The following EFCAB6 variants were observed in gnomAD, a reference collection of about 807,000 sequenced individuals.
EFCAB6 encodes the protein EF-hand calcium-binding domain-containing protein 6.
In EFCAB6, 156 loss-of-function variants were observed where a neutral mutation model predicts 169.8. That is an observed-to-expected ratio of 0.92 (90% CI 0.81 to 1.05). The LOEUF (loss-of-function observed/expected upper bound fraction) is 1.05, where lower values mean the gene tolerates loss of function less well. Among genes scored for constraint, EFCAB6 ranks in the 50% least tolerant of loss-of-function variants. The pLI is 0.00. For synonymous variants in EFCAB6, 698 were observed against 676.4 expected, an observed-to-expected ratio of 1.03 and a Z score of -0.50; for missense variants, 1,800 against 1,829.1, an observed-to-expected ratio of 0.98 and a Z score of 0.29.
chr22:43,550,496 A>C lies in EFCAB6; in HGVS notation c.3648+4373T>G, dbSNP rs1174970769. 3.3e-5 allele frequency among the ~76,000 whole-genome samples: 5 copies of C among 152,036 alleles called. No homozygotes were observed. In the East Asian group the frequency reaches 7.7e-4, roughly 24 times the overall value. Reference sequence around the variant, plus strand: ...AGACCAGCCTAACCAATATGGTGAAACCCTGTCTCTACTAAAAATACAAAC... The same window carrying C: ...AGACCAGCCTAACCAATATGGTGAACCCCTGTCTCTACTAAAAATACAAAC... On this transcript the variant is annotated intron_variant, in intron 27 of 31. Transcript: ENST00000262726.
intron 17 of EFCAB6, among the ~76,000 whole-genome samples, chr22:43,647,707 T>C (rs2056250027): frequency 1.3e-5 from 2 of 152,070 alleles, no homozygotes; most frequent in South Asian, 4.2e-4. Context: ...AGAGAGAAAT[T>C]TGGACAGAGG....
At chr22:43,640,331 T>C (rs1296477046) in intron 17 of EFCAB6, among the ~76,000 whole-genome samples, 1 of 152,224 alleles carries the variant, frequency 6.6e-6, no homozygotes, top group Non-Finnish European at 1.5e-5. Flanking sequence ...ATTTGGTTCA[T>C]GTGTTCGAGC....
intron 10 of EFCAB6, among the ~76,000 whole-genome samples, chr22:43,696,296 T>C (rs2058573471): frequency 6.6e-6 from 1 of 151,884 alleles, no homozygotes; most frequent in Non-Finnish European, 1.5e-5. Flanking sequence ...AAGATGGCAA[T>C]AGCAAGTGTT....
intron 19 of EFCAB6, 97 bp downstream of exon 19, chr22:43,632,007 TG>T: frequency 1.3e-6 from 2 of 1,497,546 alleles, no homozygotes; most frequent in Non-Finnish European, 1.8e-6. Context: ...TTGGGCTGAC[TG>T]GGACATGACC....
At chr22:43,598,616 T>C (rs762941137) in intron 23 of EFCAB6, among the ~76,000 whole-genome samples, 1 of 152,192 alleles carries the variant, frequency 6.6e-6, no homozygotes, top group African/African-American at 2.4e-5. Flanking sequence ...CTAGATTTAA[T>C]TGTATATTTA....
intron 5 of EFCAB6, chr22:43,759,795 T>C (rs1569475195): frequency 6.6e-6 from 1 of 152,192 alleles, no homozygotes; most frequent in Non-Finnish European, 1.5e-5. Context: ...TTCCTCAATA[T>C]GGTGATTTTG....
intron 5 of EFCAB6, 21 bp downstream of exon 5, chr22:43,765,284 A>G: frequency 1.3e-6 from 2 of 1,589,254 alleles, no homozygotes; most frequent in African/African-American, 2.7e-5. Flanking sequence ...ACATTTTCAC[A>G]TGAGCAAACC....
chr22:43,717,827 GA>G (rs1603272110), intron 8 of EFCAB6, among the ~76,000 whole-genome samples: 1 of 151,824 alleles, frequency 6.6e-6, no homozygotes, highest in Non-Finnish European at 1.5e-5. Context: ...TTTATGAGAG[GA>G]AAAAAATGAA....
intron 3 of EFCAB6, among the ~76,000 whole-genome samples, chr22:43,780,348 G>T (rs1204667661): frequency 2.0e-5 from 3 of 151,998 alleles, no homozygotes; most frequent in South Asian, 4.2e-4. Flanking sequence ...TTAGCCAGGT[G>T]TGGTGGTGCA....
chr22:43,736,308 ATACT>A (rs1250370996), intron 6 of EFCAB6, among the ~76,000 whole-genome samples: 1 of 152,218 alleles, frequency 6.6e-6, no homozygotes, highest in Non-Finnish European at 1.5e-5. Flanking sequence ...TTGTTAATTG[ATACT>A]TAAAAACTAC....
chr22:43,583,117 A>G (rs2050837959), intron 24 of EFCAB6, among the ~76,000 whole-genome samples: 1 of 151,898 alleles, frequency 6.6e-6, no homozygotes, highest in Non-Finnish European at 1.5e-5. Context: ...ACTTGGACCC[A>G]CCTCAGCCAA....
intron 3 of EFCAB6, among the ~76,000 whole-genome samples, chr22:43,773,336 A>G (rs1370131177): frequency 6.6e-6 from 1 of 152,252 alleles, no homozygotes; most frequent in East Asian, 1.9e-4. Context: ...GTAAGAAAAA[A>G]AAAGAGAATC....
At position 43,691,769 on chromosome 22, in the gene EFCAB6, A is replaced by G. The variant is rs143400404; in HGVS notation, c.1032-4188T>C. 3.9e-4 allele frequency among the ~76,000 whole-genome samples: 60 copies of G among 152,326 alleles called. No homozygotes were observed. The Middle Eastern group carries it at 0.02, about 52-fold the overall frequency. On this transcript the variant is annotated intron_variant, in intron 10 of 31. Coordinates refer to ENST00000262726, the MANE Select transcript of EFCAB6 (RefSeq NM_022785.4). ...TTTGACTTCTTCCAATAATGGTAAA[A>G]TAAGATCCTACTGGCCCAACCCTCC... is the stretch of plus-strand genomic sequence containing the variant.
At chr22:43,681,156 G>C (rs1026567063) in intron 12 of EFCAB6, among the ~76,000 whole-genome samples, 6 of 152,166 alleles carry the variant, frequency 3.9e-5, no homozygotes, top group African/African-American at 1.4e-4. Context: ...TTTGTGGAAA[G>C]TTATTATCAT....
intron 17 of EFCAB6, among the ~76,000 whole-genome samples, chr22:43,643,593 G>A (rs2055947947): frequency 6.6e-6 from 1 of 152,212 alleles, no homozygotes; most frequent in Non-Finnish European, 1.5e-5. Flanking sequence ...TGTACAAACA[G>A]CACATGATGC....
At chr22:43,719,022 CA>C (rs2059431420) in intron 8 of EFCAB6, among the ~76,000 whole-genome samples, 1 of 152,200 alleles carries the variant, frequency 6.6e-6, no homozygotes, top group South Asian at 2.1e-4. Context: ...CTGGTACTCT[CA>C]TGGCACATTT....
intron 26 of EFCAB6, among the ~76,000 whole-genome samples, chr22:43,574,372 G>A (rs1363609190): frequency 3.3e-5 from 5 of 151,874 alleles, no homozygotes; most frequent in East Asian, 1.9e-4. Context: ...CTCTGAAGCC[G>A]AACCCTCCGG....
chr22:43,782,690 C>T (rs1432837516), intron 2 of EFCAB6, among the ~76,000 whole-genome samples: 1 of 152,134 alleles, frequency 6.6e-6, no homozygotes, highest in Non-Finnish European at 1.5e-5. Flanking sequence ...AACATGCAGT[C>T]AGAGGCAAAG....
At chr22:43,710,781 T>TC (rs58498665) in intron 10 of EFCAB6, among the ~76,000 whole-genome samples, 4,962 of 152,010 alleles carry the variant, frequency 0.033, 167 homozygotes, top group African/African-American at 0.085. Flanking sequence ...AGTATTTTTG[T>TC]CCCCCCCACT....
Sources: allele counts gnomAD v4.1 joint callset (sites outside exome capture counted in the v4.1 genomes callset), GRCh38; gene constraint gnomAD v4.1.1; transcripts MANE v1.5; gene names NCBI Gene and HGNC (gene_info 2026-07-23, HGNC 2026-07-21).